The following GLP1R variants were observed in gnomAD, a reference collection of about 807,000 sequenced individuals.
GLP1R encodes the protein glucagon-like peptide 1 receptor.
A neutral mutation model predicts 68.4 loss-of-function variants in GLP1R; 32 were observed. The ratio of observed to expected loss-of-function variants is 0.47; its 90% CI spans 0.35 to 0.63. The LOEUF is 0.63. Among genes scored for constraint, GLP1R ranks in the 20% least tolerant of loss-of-function variants. The pLI is 0.00. For missense variants in GLP1R, 502 were observed against 594.9 expected, an observed-to-expected ratio of 0.84 and a Z score of 1.62; for synonymous variants, 263 against 244.4, an observed-to-expected ratio of 1.08 and a Z score of -0.71.
rs368850144 is a variant in GLP1R at position 39,075,454 on chromosome 6, G to A, written c.823+1685G>A. On this transcript the variant is annotated intron_variant, in intron 7 of 12. Coordinates refer to ENST00000373256, the MANE Select transcript of GLP1R (RefSeq NM_002062.5). Reference sequence around the variant, plus strand: ...ACGTGTGTGATGTGTGCAGAGGAGCGGGGGTGGCTGGAGTTTGGTGGGGAC... The same window carrying A: ...ACGTGTGTGATGTGTGCAGAGGAGCAGGGGTGGCTGGAGTTTGGTGGGGAC... Among the ~76,000 whole-genome samples the A allele has an allele frequency of 2.6e-4, 40 of 152,172 alleles. 1 individual carries two copies. Among genetic ancestry groups the A allele is most frequent in the Admixed American group, 2.4e-3 (36 of 15,266 alleles).
intron 8 of GLP1R, 44 bp from the exon 9 acceptor site, chr6:39,078,913 G>T: frequency 6.5e-7 from 1 of 1,546,666 alleles, no homozygotes; most frequent in African/African-American, 1.4e-5. Context: ...TGGGGGTCCT[G>T]TGAGTCCTGC....
At chr6:39,062,820 C>T (rs1219444550) in intron 3 of GLP1R, among the ~76,000 whole-genome samples, 3 of 152,236 alleles carry the variant, frequency 2.0e-5, no homozygotes, top group Admixed American at 1.3e-4. Context: ...CTCAGAGGCT[C>T]AGTTTCTTCA....
chr6:39,083,843 G>C (rs996395948), intron 12 of GLP1R, among the ~76,000 whole-genome samples: 1 of 152,216 alleles, frequency 6.6e-6, no homozygotes, highest in African/African-American at 2.4e-5. Flanking sequence ...CAGGTGCTCA[G>C]AATCTGTGGT....
In GLP1R at chr6:39,055,953, T is replaced by C. The variant is rs146171710; in HGVS notation, c.79-444T>C. 2.2e-3 allele frequency among the ~76,000 whole-genome samples: 329 copies of C among 152,330 alleles called. 1 individual carries two copies. Among genetic ancestry groups the C allele is most frequent in the African/African-American group, 7.5e-3 (312 of 41,578 alleles). On this transcript the variant is annotated intron_variant, in intron 1 of 12. Coordinates refer to ENST00000373256, the MANE Select transcript of GLP1R (RefSeq NM_002062.5). The stretch of plus-strand genomic sequence containing the variant: ...CCTTGATTCAGTTCCTCTCCCACTC[T>C]GGCCTGTGTGTCTTCTTCTAGAATG...
At chr6:39,050,461 C>T (rs895861847) in intron 1 of GLP1R, among the ~76,000 whole-genome samples, 1 of 152,174 alleles carries the variant, frequency 6.6e-6, no homozygotes, top group East Asian at 1.9e-4. Context: ...GTGTCAGGCT[C>T]CTGAACCCAC....
chr6:39,068,441 T>G (rs1768576128), intron 5 of GLP1R, among the ~76,000 whole-genome samples: 1 of 152,210 alleles, frequency 6.6e-6, no homozygotes, highest in Non-Finnish European at 1.5e-5. Flanking sequence ...TAGTCAGGAC[T>G]CTCTGTAGCG....
Position 39,048,927 on chromosome 6 carries a change from C to A in GLP1R, c.78+9C>A. On this transcript the variant is annotated intron_variant, in intron 1 of 12. Transcript: ENST00000373256. The stretch of plus-strand genomic sequence containing the variant: ...CCGGCCCCCGCCCCCAGGTGAGATC[C>A]AGGGACCCCGACGACACCGGGGGAG... 1 of 1,284,494 alleles carries A rather than the reference C, an allele frequency of 7.8e-7. No individual in the cohort carries two copies. The highest frequency in any genetic ancestry group is 1.0e-6 in the Non-Finnish European group (1 of 973,116). The allele number at this position is 1,284,494 out of a possible 1,614,324, so 79.6% of individuals were successfully genotyped here. A position where few individuals can be genotyped will look rare whatever the true frequency, so the allele number is the denominator to read the frequency against.
chr6:39,062,033 C>A (rs927734542), intron 3 of GLP1R, among the ~76,000 whole-genome samples: 1 of 152,174 alleles, frequency 6.6e-6, no homozygotes, highest in Non-Finnish European at 1.5e-5. Context: ...TCCTTGCTGG[C>A]CACCTCGTTG....
intron 7 of GLP1R, among the ~76,000 whole-genome samples, chr6:39,075,510 T>C (rs1768794135): frequency 6.6e-6 from 1 of 151,738 alleles, no homozygotes; most frequent in African/African-American, 2.4e-5. Context: ...GAGTGGGAGA[T>C]GGGGGAGGGA....
intron 3 of GLP1R, 79 bp downstream of exon 3, chr6:39,057,658 G>T (rs1768249718): frequency 6.2e-6 from 5 of 806,980 alleles, no homozygotes; most frequent in South Asian, 3.0e-5. Context: ...TCTGCCCTGG[G>T]CCAGCAGTGG....
intron 1 of GLP1R, among the ~76,000 whole-genome samples, 175 bp from the exon 2 acceptor site, chr6:39,056,222 G>T (rs936029675): frequency 3.9e-5 from 6 of 152,114 alleles, no homozygotes; most frequent in Non-Finnish European, 8.8e-5. Context: ...CATCCACCTG[G>T]GGCCCCTGGG....
chr6:39,051,051 G>C lies in GLP1R; in HGVS notation c.78+2133G>C, dbSNP rs188372634. ...TAGGCTACTCTTTCATTGCTGCTGG[G>C]AAGGCTCATTCCCCTACCCTGGTCC... On this transcript the variant is annotated intron_variant, in intron 1 of 12. Transcript: ENST00000373256. Among the ~76,000 whole-genome samples, 353 of 152,274 alleles carry C rather than the reference G, an allele frequency of 2.3e-3. 2 individuals are homozygous for C. The highest frequency in any genetic ancestry group is 8.0e-3 in the African/African-American group (334 of 41,540).
chr6:39,052,175 A>G (rs1428584210), intron 1 of GLP1R, among the ~76,000 whole-genome samples: 1 of 152,028 alleles, frequency 6.6e-6, no homozygotes, highest in Non-Finnish European at 1.5e-5. Flanking sequence ...CTGTAAGAAC[A>G]TGTGTGTAGT....
intron 1 of GLP1R, among the ~76,000 whole-genome samples, chr6:39,053,729 A>T (rs1390316238): frequency 6.6e-6 from 1 of 152,126 alleles, no homozygotes; most frequent in Non-Finnish European, 1.5e-5. Flanking sequence ...TATCTGGGTG[A>T]CCCAGGTCCA....
chr6:39,079,124 A>T lies in GLP1R; in HGVS notation c.967A>T (p.Ile323Phe). The change falls in exon 10 of 13, where the codon ATC becomes TTC. Residue 323 changes from isoleucine (I) to phenylalanine (F), a missense_variant. Transcript: ENST00000373256. The surrounding 1 kb of genome is among the most constrained non-coding windows in gnomAD (Gnocchi z 4.5). ...CCCCACCCCGCAGGTGAACTTCCTC[A>T]TCTTTGTTCGGGTCATCTGCATCGT... is the stretch of plus-strand genomic sequence containing the variant. ...ILFAIGVNFL[I>F]FVRVICIVVS... 1 of 1,613,972 alleles carries T rather than the reference A, an allele frequency of 6.2e-7. No homozygotes were observed. Among genetic ancestry groups the T allele is most frequent in the Non-Finnish European group, 8.5e-7 (1 of 1,179,940 alleles).
chr6:39,079,733 A>G lies in GLP1R; in HGVS notation c.1182+31A>G, dbSNP rs547653642. 8 of 1,598,628 alleles carry G rather than the reference A, an allele frequency of 5.0e-6. No individual in the cohort carries two copies. In the African/African-American group the frequency reaches 6.7e-5, roughly 13 times the overall value. The stretch of plus-strand genomic sequence containing the variant: ...TTCATGCTTGGGGACACTTGCTTGT[A>G]AAGTCCTAGAGTGGGGGTGGGACAG... On this transcript the variant is annotated intron_variant, in intron 11 of 12. Coordinates refer to ENST00000373256, the MANE Select transcript of GLP1R (RefSeq NM_002062.5). This position sits in a 1 kb window ranked among gnomAD's most constrained non-coding sequence, Gnocchi z 4.5.
At chr6:39,069,154 A>G (rs1018385562) in intron 5 of GLP1R, among the ~76,000 whole-genome samples, 1 of 152,190 alleles carries the variant, frequency 6.6e-6, no homozygotes, top group Non-Finnish European at 1.5e-5. Flanking sequence ...CTTTGCTCCC[A>G]TGAAACACTT....
rs1391288273 is a variant in GLP1R at position 39,089,835 on chromosome 6, AT to A, written c.*3763del. ...CTGCGACGTGCTCAGGGAAGGCAAA[AT>A]CTATTCCAAAGGTTTATTTTCCCTC... On this transcript the variant is annotated 3_prime_UTR_variant, in exon 13 of 13. Transcript: ENST00000373256. The surrounding 1 kb of genome is among the most constrained non-coding windows in gnomAD (Gnocchi z 4.1). Among the ~76,000 whole-genome samples the A allele has an allele frequency of 1.3e-5, 2 of 152,122 alleles. No individual in the cohort carries two copies. The highest frequency in any genetic ancestry group is 4.8e-5 in the African/African-American group (2 of 41,432).
At chr6:39,054,653 C>G (rs1768169027) in intron 1 of GLP1R, among the ~76,000 whole-genome samples, 1 of 152,200 alleles carries the variant, frequency 6.6e-6, no homozygotes, top group Non-Finnish European at 1.5e-5. Flanking sequence ...GGCTTCCATA[C>G]CTCTCTGCCT....
Sources: gnomAD v4.1 joint callset for allele counts (sites outside exome capture counted in the v4.1 genomes callset) on GRCh38, gnomAD v4.1.1 for gene constraint, Gnocchi (gnomAD v3.1) non-coding constraint, MANE v1.5 for transcripts, NCBI Gene and HGNC (gene_info 2026-07-23, HGNC 2026-07-21) for gene names.